The following NEMP2 variants were observed in gnomAD, a reference collection of about 807,000 sequenced individuals.
NEMP2 encodes the protein UPF0571 transmembrane protein.
A neutral mutation model predicts 54.2 loss-of-function variants in NEMP2; 53 were observed. The ratio of observed to expected loss-of-function variants is 0.98; its 90% CI spans 0.78 to 1.23. The LOEUF (loss-of-function observed/expected upper bound fraction) is 1.23, where lower values mean the gene tolerates loss of function less well. NEMP2 is among the 50% of genes most tolerant of loss of function. The pLI is 0.00. For missense variants in NEMP2, 455 were observed against 511.3 expected (o/e 0.89, Z 1.06); for synonymous variants, 197 against 190.3 (o/e 1.04, Z -0.29).
At chr2:190,467,706 C>T in the NEMP2 span, among the ~76,000 whole-genome samples, 2 of 151,904 alleles carry the variant, frequency 1.3e-5, no homozygotes, top group East Asian at 1.9e-4. The surrounding 1 kb of genome is among the most constrained non-coding windows in gnomAD (Gnocchi z 5.5). Flanking sequence ...TTATATGGCC[C>T]GTGAACTAAG....
At chr2:190,445,293 A>G in the NEMP2 span, among the ~76,000 whole-genome samples, 1 of 152,168 alleles carries the variant, frequency 6.6e-6, no homozygotes, top group Non-Finnish European at 1.5e-5. Flanking sequence ...ATTGTTAACT[A>G]TCAGTGGTGG....
At chr2:190,544,739 G>A in the NEMP2 span, among the ~76,000 whole-genome samples, 1 of 152,028 alleles carries the variant, frequency 6.6e-6, no homozygotes, top group Non-Finnish European at 1.5e-5. Context: ...GTGCATCTAA[G>A]AGTACATTTA....
the NEMP2 span, among the ~76,000 whole-genome samples, chr2:190,607,495 C>T: frequency 2.0e-5 from 3 of 152,160 alleles, no homozygotes; most frequent in South Asian, 6.2e-4. This position sits in a 1 kb window ranked among gnomAD's most constrained non-coding sequence, Gnocchi z 5.2. Context: ...GATTCTAATA[C>T]ACAGCCAAGA....
the NEMP2 span, chr2:190,437,142 C>T: frequency 1.2e-6 from 2 of 1,614,260 alleles, no homozygotes; most frequent in Non-Finnish European, 1.7e-6. This position sits in a 1 kb window ranked among gnomAD's most constrained non-coding sequence, Gnocchi z 5.9. Flanking sequence ...ACCAGATCGT[C>T]TTCATCGTCT....
At chr2:190,555,212 A>G in the NEMP2 span, among the ~76,000 whole-genome samples, 2 of 152,300 alleles carry the variant, frequency 1.3e-5, no homozygotes, top group Admixed American at 1.3e-4. The surrounding 1 kb of genome is among the most constrained non-coding windows in gnomAD (Gnocchi z 4.8). Context: ...AAAGATGGGG[A>G]AAAACCAGTG....
the NEMP2 span, among the ~76,000 whole-genome samples, chr2:190,578,996 G>A: frequency 2.0e-4 from 30 of 152,142 alleles, no homozygotes; most frequent in Admixed American, 1.8e-3. This position sits in a 1 kb window ranked among gnomAD's most constrained non-coding sequence, Gnocchi z 4.4. Flanking sequence ...ACACCCTGAT[G>A]CGTGCTCTTT....
In NEMP2 at chr2:190,504,452, T is replaced by C. The variant is rs1269125341; in HGVS notation, c.*4737A>G. Reference sequence around the variant, plus strand: ...TCTAGTAAGCTGTACAGTAAGGCATTCAATTCCAACATGCATTGTAAACAT... The same window carrying C: ...TCTAGTAAGCTGTACAGTAAGGCATCCAATTCCAACATGCATTGTAAACAT... On this transcript the variant is annotated 3_prime_UTR_variant, in exon 9 of 9. Transcript: ENST00000409150. This position sits in a 1 kb window ranked among gnomAD's most constrained non-coding sequence, Gnocchi z 5.6. The C allele has an allele frequency of 6.6e-6, 1 of 152,076 alleles. No homozygotes were observed. The highest frequency in any genetic ancestry group is 1.5e-5 in the Non-Finnish European group (1 of 68,024). The allele number at this position is 152,076 out of a possible 1,614,324, so 9.4% of individuals were successfully genotyped here.
the NEMP2 span, among the ~76,000 whole-genome samples, chr2:190,588,776 T>C: frequency 2.0e-5 from 3 of 152,140 alleles, no homozygotes; most frequent in Non-Finnish European, 4.4e-5. This position sits in a 1 kb window ranked among gnomAD's most constrained non-coding sequence, Gnocchi z 5.0. Flanking sequence ...AGATGACAGC[T>C]TGTTGATTGG....
the NEMP2 span, among the ~76,000 whole-genome samples, chr2:190,582,773 G>A: frequency 6.6e-6 from 1 of 152,242 alleles, no homozygotes; most frequent in East Asian, 1.9e-4. The surrounding 1 kb of genome is among the most constrained non-coding windows in gnomAD (Gnocchi z 4.6). Context: ...CTAAACCATG[G>A]TCACACAGTA....
the NEMP2 span, among the ~76,000 whole-genome samples, chr2:190,576,283 TG>T: frequency 1.6e-4 from 24 of 152,192 alleles, no homozygotes; most frequent in Non-Finnish European, 2.6e-4. Flanking sequence ...CATTACTTTT[TG>T]TAATGTTTAT....
At chr2:190,616,800 T>C in the NEMP2 span, 1 of 152,142 alleles carries the variant, frequency 6.6e-6, no homozygotes, top group Non-Finnish European at 1.5e-5. This position sits in a 1 kb window ranked among gnomAD's most constrained non-coding sequence, Gnocchi z 5.1. Context: ...TTTTCCTATT[T>C]TTTTTTCCCG....
the NEMP2 span, among the ~76,000 whole-genome samples, chr2:190,597,787 TA>T: frequency 2.7e-5 from 4 of 145,812 alleles, no homozygotes; most frequent in South Asian, 2.4e-4. This position sits in a 1 kb window ranked among gnomAD's most constrained non-coding sequence, Gnocchi z 4.7. Context: ...AGCAAAGAAT[TA>T]AAAAAAAAAC....
In NEMP2 at chr2:190,510,552, G is replaced by A. The variant is rs767340687; in HGVS notation, c.954-15C>T. 32 of 1,551,472 alleles carry A rather than the reference G, an allele frequency of 2.1e-5. No individual in the cohort carries two copies. The South Asian group carries it at 3.7e-4, about 18-fold the overall frequency. ...GCTCCATTTTCCTAAAACATGGCAT[G>A]TGGTTGCAGGATTACTTCCTAATTC... is the stretch of plus-strand genomic sequence containing the variant. On this transcript the variant is annotated splice_polypyrimidine_tract_variant and intron_variant, in intron 7 of 8. Transcript: ENST00000409150. The surrounding 1 kb of genome is among the most constrained non-coding windows in gnomAD (Gnocchi z 5.7).
At chr2:190,641,201 T>G in the NEMP2 span, 1 of 152,224 alleles carries the variant, frequency 6.6e-6, no homozygotes, top group Non-Finnish European at 1.5e-5. Context: ...TATATCTACT[T>G]TAGTTACTTG....
chr2:190,585,137 G>A, the NEMP2 span, among the ~76,000 whole-genome samples: 4 of 152,134 alleles, frequency 2.6e-5, no homozygotes, highest in African/African-American at 7.2e-5. The surrounding 1 kb of genome is among the most constrained non-coding windows in gnomAD (Gnocchi z 5.3). Context: ...ATTTGGAAAC[G>A]TTCCCTGTGT....
the NEMP2 span, among the ~76,000 whole-genome samples, chr2:190,472,397 CT>C: frequency 6.6e-6 from 1 of 152,064 alleles, no homozygotes; most frequent in Non-Finnish European, 1.5e-5. Context: ...CTTAAAGGAC[CT>C]GATGGAGCTG....
At position 190,527,598 on chromosome 2, in the gene NEMP2, G is replaced by C. The variant is rs1400399546; in HGVS notation, c.98-2220C>G. 2.0e-5 allele frequency among the ~76,000 whole-genome samples: 3 copies of C among 152,104 alleles called. No homozygotes were observed. Among genetic ancestry groups the C allele is most frequent in the Non-Finnish European group, 2.9e-5 (2 of 68,014 alleles). On this transcript the variant is annotated intron_variant, in intron 1 of 8. Coordinates refer to ENST00000409150, the MANE Select transcript of NEMP2 (RefSeq NM_001142645.2). The surrounding 1 kb of genome is among the most constrained non-coding windows in gnomAD (Gnocchi z 4.0). Reference sequence around the variant, plus strand: ...TTGAGAGTCCAAGATGCAAATACAAGAATCCAGGTGAAAAGCCAGTAAAAA... The same window carrying C: ...TTGAGAGTCCAAGATGCAAATACAACAATCCAGGTGAAAAGCCAGTAAAAA...
the NEMP2 span, among the ~76,000 whole-genome samples, chr2:190,566,131 CCCTT>C: frequency 4.6e-5 from 7 of 152,080 alleles, no homozygotes; most frequent in African/African-American, 1.7e-4. Flanking sequence ...GGCAACTAGT[CCCTT>C]CATTGCAGTG....
the NEMP2 span, among the ~76,000 whole-genome samples, chr2:190,479,011 T>C: frequency 0.038 from 5,855 of 152,254 alleles, 170 homozygotes; most frequent in Non-Finnish European, 0.064. Context: ...TGGGGTTGCA[T>C]GTAACTGCTG....
Sources: allele counts gnomAD v4.1 joint callset (sites outside exome capture counted in the v4.1 genomes callset), GRCh38; gene constraint gnomAD v4.1.1; non-coding constraint Gnocchi (gnomAD v3.1); transcripts MANE v1.5; gene names NCBI Gene and HGNC (gene_info 2026-07-23, HGNC 2026-07-21).